The following BNC2 variants were observed in gnomAD, a reference collection of about 807,000 sequenced individuals.
BNC2 encodes the protein zinc finger protein basonuclin-2.
Under a neutral mutation model 76.3 loss-of-function variants are expected in BNC2, and 20 were observed. The ratio of observed to expected loss-of-function variants is 0.26; its 90% CI spans 0.18 to 0.38. BNC2 has a LOEUF of 0.38. Among genes scored for constraint, BNC2 ranks in the 10% least tolerant of loss-of-function variants. The pLI is 1.00. For missense variants in BNC2, 1,382 were observed against 1,399.8 expected (o/e 0.99, Z 0.20); for synonymous variants, 582 against 514.8 (o/e 1.13, Z -1.77).
chr9:16,620,780 A>G (rs551154343), intron 3 of BNC2, among the ~76,000 whole-genome samples: 4 of 152,354 alleles, frequency 2.6e-5, no homozygotes, highest in African/African-American at 4.8e-5. Flanking sequence ...TTTATAAACT[A>G]TAAGTAGATG....
chr9:16,470,975 T>G (rs1405507547), intron 5 of BNC2, among the ~76,000 whole-genome samples: 1 of 152,024 alleles, frequency 6.6e-6, no homozygotes, highest in Non-Finnish European at 1.5e-5. Flanking sequence ...ACTTGTACTA[T>G]GCACCTGGAA....
chr9:16,486,413 G>C (rs1822165688), intron 5 of BNC2, among the ~76,000 whole-genome samples: 1 of 152,156 alleles, frequency 6.6e-6, no homozygotes, highest in South Asian at 2.1e-4. Flanking sequence ...GGGGCAGGAA[G>C]AATTAATACT....
chr9:16,530,822 G>A (rs1041738594), intron 5 of BNC2, among the ~76,000 whole-genome samples: 2 of 152,210 alleles, frequency 1.3e-5, no homozygotes, highest in South Asian at 2.1e-4. Context: ...CCAGCAAGCC[G>A]AGGCATGAGG....
Position 16,583,040 on chromosome 9 carries a change from G to A in BNC2, c.376C>T (p.Pro126Ser). 6.2e-7 allele frequency: 1 copy of A among 1,613,900 alleles called. No individual in the cohort carries two copies. The highest frequency in any genetic ancestry group is 1.1e-5 in the South Asian group (1 of 91,076). The change falls in exon 4 of 7, where the codon CCA becomes TCA. Residue 126 changes from proline to serine, a missense_variant. This residue lies in a region of BNC2 where 557 missense variants were observed against 540.9 expected (regional missense o/e 1.03). Coordinates refer to ENST00000380672, the MANE Select transcript of BNC2 (RefSeq NM_017637.6). ...CAAGTCCTCAGGTTAATCTTCCCTG[G>A]CTGAAAACATTCACATGTGCAGTTT... ...LVNCTCECFQ[P>S]GKINLRTCDQ...
At chr9:16,780,108 T>G (rs375029671) in intron 1 of BNC2, among the ~76,000 whole-genome samples, 1 of 149,178 alleles carries the variant, frequency 6.7e-6, no homozygotes, top group African/African-American at 2.5e-5. Flanking sequence ...CGGTGGCGGG[T>G]GCCTGTAGTC....
At chr9:16,596,900 C>T (rs1308383632) in intron 3 of BNC2, among the ~76,000 whole-genome samples, 4 of 152,098 alleles carry the variant, frequency 2.6e-5, no homozygotes, top group African/African-American at 9.7e-5. Flanking sequence ...GAGAAAAATA[C>T]TCCAAAAATA....
chr9:16,604,670 T>C (rs1820332684), intron 3 of BNC2, among the ~76,000 whole-genome samples: 2 of 151,670 alleles, frequency 1.3e-5, no homozygotes, highest in Non-Finnish European at 2.9e-5. Flanking sequence ...CCGGGCGTGG[T>C]GGTGGGCGCC....
At position 16,676,772 on chromosome 9, in the gene BNC2, A is replaced by C. The variant is rs1169247174; in HGVS notation, c.330+51025T>G. Reference sequence around the variant, plus strand: ...TATGTAGGGGCATCCAGTTCACACCACACCCAAGTGAGAACAAGGGAGGAG... The same window carrying C: ...TATGTAGGGGCATCCAGTTCACACCCCACCCAAGTGAGAACAAGGGAGGAG... On this transcript the variant is annotated intron_variant, in intron 3 of 6. Transcript: ENST00000380672. Among the ~76,000 whole-genome samples, 5 of 152,222 alleles carry C rather than the reference A, an allele frequency of 3.3e-5. No individual in the cohort carries two copies. The East Asian group carries it at 9.6e-4, about 29-fold the overall frequency.
intron 1 of BNC2, among the ~76,000 whole-genome samples, chr9:16,772,125 C>T (rs529622479): frequency 2.0e-5 from 3 of 152,272 alleles, no homozygotes; most frequent in East Asian, 1.9e-4. Flanking sequence ...CTTGAAGAGT[C>T]TGTGAAAGAC....
intron 3 of BNC2, among the ~76,000 whole-genome samples, chr9:16,593,960 T>C (rs1820000006): frequency 6.6e-6 from 1 of 152,182 alleles, no homozygotes; most frequent in South Asian, 2.1e-4. Context: ...TCAGCAATTT[T>C]GTATTCCATT....
chr9:16,770,925 G>T (rs1825816843), intron 1 of BNC2, among the ~76,000 whole-genome samples: 1 of 152,094 alleles, frequency 6.6e-6, no homozygotes, highest in East Asian at 1.9e-4. Flanking sequence ...AATCCCAGCA[G>T]TTTGGGAGTC....
At chr9:16,706,438 CAGA>C (rs1823675915) in intron 3 of BNC2, among the ~76,000 whole-genome samples, 1 of 152,210 alleles carries the variant, frequency 6.6e-6, no homozygotes, top group Admixed American at 6.5e-5. Context: ...CTACAGAAGG[CAGA>C]AGGTGTTCCA....
In BNC2 at chr9:16,435,845, G is replaced by A. The variant is rs371557826; in HGVS notation, c.2349C>T (p.Tyr783=). The part of the protein sequence containing the change: ...KVKEEFTDPT[Y]DMFYMSQYGL... ...CATACTGGCTCATGTAAAACATGTCGTAAGTGGGGTCTGTAAATTCTTCCT... is the reference window on the plus strand; with the variant it reads ...CATACTGGCTCATGTAAAACATGTCATAAGTGGGGTCTGTAAATTCTTCCT... Residue 783 remains tyrosine (Y), a synonymous_variant, in exon 6 of 7, where the codon TAC becomes TAT. Coordinates refer to ENST00000380672, the MANE Select transcript of BNC2 (RefSeq NM_017637.6). 113 of 1,613,854 alleles carry A rather than the reference G, an allele frequency of 7.0e-5. No homozygotes were observed. In the East Asian group the frequency reaches 9.4e-4, roughly 13 times the overall value.
At chr9:16,514,208 T>C (rs1822824828) in intron 5 of BNC2, among the ~76,000 whole-genome samples, 1 of 152,212 alleles carries the variant, frequency 6.6e-6, no homozygotes, top group African/African-American at 2.4e-5. Flanking sequence ...TTTCAAGGGA[T>C]GAAATACTTC....
At chr9:16,640,290 CTT>C (rs200602049) in intron 3 of BNC2, among the ~76,000 whole-genome samples, 5 of 152,300 alleles carry the variant, frequency 3.3e-5, no homozygotes, top group African/African-American at 9.6e-5. Flanking sequence ...ATCTCTCTCT[CTT>C]TCTCTCTAAG....
At chr9:16,823,427 C>A (rs374558480) in intron 1 of BNC2, among the ~76,000 whole-genome samples, 1,521 of 112,580 alleles carry the variant, frequency 0.014, no homozygotes, top group African/African-American at 0.016. Context: ...CCTGTCTCTA[C>A]AAAAAAAAAA....
intron 3 of BNC2, among the ~76,000 whole-genome samples, chr9:16,588,583 T>C: frequency 6.6e-6 from 1 of 152,306 alleles, no homozygotes; most frequent in South Asian, 2.1e-4. Flanking sequence ...AAAATAATTA[T>C]AAATATTCAT....
Position 16,436,718 on chromosome 9 carries a change from G to A in BNC2, c.1476C>T (p.Asn492=). 1.2e-6 allele frequency: 2 copies of A among 1,614,144 alleles called. No homozygotes were observed. The highest frequency in any genetic ancestry group is 3.3e-4 in the Middle Eastern group (2 of 6,062). The change falls in exon 6 of 7, where the codon AAC becomes AAT. Residue 492 remains asparagine, a synonymous_variant. Transcript: ENST00000380672. ...SLRSRNRHSA[N]PNPRLHMPML... Reference sequence around the variant, plus strand: ...TAGGCATGTGAAGGCGAGGATTGGGGTTTGCACTGTGGCGATTACGACTTC... The same window carrying A: ...TAGGCATGTGAAGGCGAGGATTGGGATTTGCACTGTGGCGATTACGACTTC...
chr9:16,595,192 T>C (rs1052889576), intron 3 of BNC2, among the ~76,000 whole-genome samples: 2 of 152,186 alleles, frequency 1.3e-5, no homozygotes, highest in Non-Finnish European at 2.9e-5. Context: ...TACTTATACC[T>C]GTCTTGGGAC....
Sources: allele counts gnomAD v4.1 joint callset (sites outside exome capture counted in the v4.1 genomes callset), GRCh38; gene constraint gnomAD v4.1.1; regional missense constraint gnomAD v4.1.1; transcripts MANE v1.5; gene names NCBI Gene and HGNC (gene_info 2026-07-23, HGNC 2026-07-21).